ULK1: variants seen among roughly 807,000 people sequenced by gnomAD.
ULK1 encodes the protein serine/threonine-protein kinase ULK1.
In ULK1, 48 loss-of-function variants were observed where a neutral mutation model predicts 117.5. The observed-to-expected ratio is 0.41, with a 90% CI of 0.32 to 0.52. ULK1 has a LOEUF of 0.52. Among genes scored for constraint, ULK1 ranks in the 20% least tolerant of loss-of-function variants. The pLI is 0.29. For synonymous variants in ULK1, 790 were observed against 637.8 expected, an observed-to-expected ratio of 1.24 and a Z score of -3.60; for missense variants, 1,387 against 1,473.4, an observed-to-expected ratio of 0.94 and a Z score of 0.96.
At chr12:131,911,812 T>C (rs1293499799) in intron 12 of ULK1, 130 bp from the exon 13 acceptor site, 2 of 1,297,864 alleles carry the variant, frequency 1.5e-6, no homozygotes, top group African/African-American at 1.5e-5. Flanking sequence ...AAGAAAGACG[T>C]GCCCAGCCCT....
At chr12:131,920,862 T>C in intron 26 of ULK1, 1 of 557,306 alleles carries the variant, frequency 1.8e-6, no homozygotes, top group African/African-American at 1.9e-5. Context: ...GCGGGCACTC[T>C]GTTGTCCTGG....
At chr12:131,898,495 T>C (rs1420203828) in intron 3 of ULK1, among the ~76,000 whole-genome samples, 1 of 152,058 alleles carries the variant, frequency 6.6e-6, no homozygotes, top group African/African-American at 2.4e-5. Context: ...ACATCTCTTA[T>C]GGTTTTGCTT....
chr12:131,911,861 G>A, intron 12 of ULK1, 81 bp from the exon 13 acceptor site: 2 of 1,602,504 alleles, frequency 1.2e-6, no homozygotes, highest in Middle Eastern at 1.7e-4. Context: ...GGGGCTCTGG[G>A]CCATCCCAGG....
At chr12:131,897,539 G>T (rs1888924822) in intron 3 of ULK1, 1 of 152,280 alleles carries the variant, frequency 6.6e-6, no homozygotes, top group African/African-American at 2.4e-5. Flanking sequence ...AGTATAGTTT[G>T]CACTCCATCC....
chr12:131,918,735 GT>G lies in ULK1; in HGVS notation c.2511+55del. ...ATTCTGGCTGGAGGGTGTGTGGGGT[GT>G]GTGGGGTGTCGGGTGTGTGGGGTAT... On this transcript the variant is annotated intron_variant, in intron 23 of 27. Transcript: ENST00000321867. 2.7e-6 allele frequency: 4 copies of G among 1,484,600 alleles called. 1 individual carries two copies. The highest frequency in any genetic ancestry group is 5.0e-5 in the East Asian group (2 of 39,982). 92.0% of individuals were successfully genotyped at this position (1,484,600 alleles called of 1,614,324 possible).
chr12:131,913,393 A>G (rs2136398236), intron 14 of ULK1, 135 bp downstream of exon 14: 4 of 790,828 alleles, frequency 5.1e-6, no homozygotes, highest in East Asian at 3.9e-5. Context: ...CTCTGTCTCA[A>G]AAAAAAAAAA....
chr12:131,920,745 T>C (rs1890116502), intron 26 of ULK1: 1 of 271,068 alleles, frequency 3.7e-6, no homozygotes, highest in Non-Finnish European at 7.0e-6. Context: ...AATTTAAGCA[T>C]GTAGTAAAAA....
chr12:131,910,258 G>A lies in ULK1; in HGVS notation c.813G>A (p.Glu271=), dbSNP rs779170360. 1.1e-5 allele frequency: 17 copies of A among 1,613,648 alleles called. No homozygotes were observed. The highest frequency in any genetic ancestry group is 1.4e-5 in the Non-Finnish European group (16 of 1,179,984). Residue 271 remains glutamate, a synonymous_variant, in exon 11 of 28, where the codon GAG becomes GAA. Coordinates refer to ENST00000321867, the MANE Select transcript of ULK1 (RefSeq NM_003565.4). ...RNHKDRMDFD[E]FFHHPFLDAS... is the part of the protein sequence containing the mutation. ...CACTCCTCCTTCCTCCTGCAGATGA[G>A]TTTTTTCATCACCCTTTCCTCGATG... is the stretch of plus-strand genomic sequence containing the variant.
At position 131,918,530 on chromosome 12, in the gene ULK1, G is replaced by C; in HGVS notation, c.2360G>C (p.Arg787Pro). 6.2e-7 allele frequency: 1 copy of C among 1,610,562 alleles called. No homozygotes were observed. Among genetic ancestry groups the C allele is most frequent in the Admixed American group, 1.7e-5 (1 of 59,878 alleles). The change falls in exon 23 of 28, where the codon CGC becomes CCC. Residue 787 changes from arginine to proline, a missense_variant. Arg to Pro is a moderately radical substitution (Grantham distance 103). This residue lies in a region of ULK1 where 900 missense variants were observed against 858.9 expected (regional missense o/e 1.05). Coordinates refer to ENST00000321867, the MANE Select transcript of ULK1 (RefSeq NM_003565.4). ...ACTGGCTCTGCCAGCTCTTCTGCCCGCCACCTGGTGCCTGGGCCCTGCAGC... is the reference window on the plus strand; with the variant it reads ...ACTGGCTCTGCCAGCTCTTCTGCCCCCCACCTGGTGCCTGGGCCCTGCAGC... ...GPTGSASSSA[R>P]HLVPGPCSEA...
In ULK1 at chr12:131,910,017, G is replaced by A. The variant is rs1321552589; in HGVS notation, c.808+16G>A. ...ATGGACTTCGGTGAGCACCCACCAG[G>A]GGCGCAGCTGGAGTCCCCCACCCTC... is the stretch of plus-strand genomic sequence containing the variant. On this transcript the variant is annotated intron_variant, in intron 10 of 27. Transcript: ENST00000321867. The A allele has an allele frequency of 6.2e-7, 1 of 1,610,356 alleles. No homozygotes were observed. Among genetic ancestry groups the A allele is most frequent in the Non-Finnish European group, 8.5e-7 (1 of 1,179,542 alleles).
chr12:131,918,838 G>A (rs1415602360), intron 23 of ULK1, among the ~76,000 whole-genome samples, 157 bp downstream of exon 23: 2 of 74,706 alleles, frequency 2.7e-5, no homozygotes, highest in African/African-American at 3.5e-5. Flanking sequence ...TGTGGGGTGT[G>A]GGGTGTCGGG....
chr12:131,900,907 G>T (rs1358321780), intron 3 of ULK1, among the ~76,000 whole-genome samples: 1 of 152,206 alleles, frequency 6.6e-6, no homozygotes, highest in Non-Finnish European at 1.5e-5. Context: ...GGGGCTGTCT[G>T]CAGTGTGAGT....
In ULK1 at chr12:131,921,336, C is replaced by T. The variant is rs1890141823; in HGVS notation, c.3128C>T (p.Ala1043Val). Residue 1043 changes from alanine (A) to valine (V), a missense_variant, in exon 28 of 28, where the codon GCG (alanine) becomes GTG (valine). Ala to Val is a moderately conservative substitution (Grantham distance 64). Around this residue, in one of 4 missense-constraint regions of ULK1, gnomAD observed 900 missense variants for 858.9 expected, o/e 1.05. Transcript: ENST00000321867. ...CKLCIERRLSALLTGICA is the reference protein window; with the variant it reads ...CKLCIERRLSVLLTGICA ...CTGTGCATTGAGCGGAGACTCTCGG[C>T]GCTGCTGACTGGCATCTGTGCCTGA... 13 of 1,605,694 alleles carry T rather than the reference C, an allele frequency of 8.1e-6. No individual in the cohort carries two copies. The highest frequency in any genetic ancestry group is 2.7e-5 in the African/African-American group (2 of 75,050).
rs115106597 is a variant in ULK1, at chr12:131,923,065, A to C, written c.*1704A>C. On this transcript the variant is annotated 3_prime_UTR_variant, in exon 28 of 28. Transcript: ENST00000321867. ...CTTGATAGTGCTGGACCCTTTGTCT[A>C]TTTTAAAGCGAATTTTGTGTGATTT... The C allele has an allele frequency of 6.6e-6, 1 of 152,248 alleles. No homozygotes were observed. Among genetic ancestry groups the C allele is most frequent in the Non-Finnish European group, 1.5e-5 (1 of 68,056 alleles). 9.4% of individuals were successfully genotyped at this position (152,248 alleles called of 1,614,324 possible).
intron 25 of ULK1, 125 bp from the exon 26 acceptor site, chr12:131,919,854 C>T (rs758990585): frequency 2.7e-5 from 38 of 1,407,472 alleles, no homozygotes; most frequent in Admixed American, 4.5e-5. Flanking sequence ...CTCAAGGCCA[C>T]GGGGAGCCAG....
chr12:131,908,510 A>C, intron 5 of ULK1, 134 bp from the exon 6 acceptor site: 2 of 1,115,308 alleles, frequency 1.8e-6, no homozygotes, highest in Admixed American at 3.6e-5. Context: ...GCCCCTCCTG[A>C]CCCGGGGTTT....
Position 131,915,924 on chromosome 12 carries a change from C to A in ULK1, c.1643C>A (p.Ser548Tyr). Residue 548 changes from serine (S) to tyrosine (Y), a missense_variant, in exon 19 of 28, where the codon TCC becomes TAC. By Grantham distance (144) the Ser-to-Tyr change is moderately radical. Around this residue, in one of 4 missense-constraint regions of ULK1, gnomAD observed 900 missense variants for 858.9 expected, o/e 1.05. Transcript: ENST00000321867. ...GCACCCGAGCACTCTCCCCGCACTT[C>A]CGGGCTGGGCTGCCGCCTGCACAGC... ...SSAPEHSPRTSGLGCRLHSAP... is the reference protein window; with the variant it reads ...SSAPEHSPRTYGLGCRLHSAP... 6.2e-7 allele frequency: 1 copy of A among 1,612,218 alleles called. No individual in the cohort carries two copies. Among genetic ancestry groups the A allele is most frequent in the Non-Finnish European group, 8.5e-7 (1 of 1,179,828 alleles).
At chr12:131,915,851 G>T in intron 18 of ULK1, 40 bp from the exon 19 acceptor site, 1 of 1,601,804 alleles carries the variant, frequency 6.2e-7, no homozygotes, top group Non-Finnish European at 8.5e-7. Context: ...GGGCTGGGCC[G>T]CCGGACCGGA....
At chr12:131,905,596 A>G (rs1309784441) in intron 3 of ULK1, among the ~76,000 whole-genome samples, 1 of 152,108 alleles carries the variant, frequency 6.6e-6, no homozygotes, top group Non-Finnish European at 1.5e-5. Flanking sequence ...TTGTGTGGAA[A>G]GGGCTTCCTC....
Sources: gnomAD v4.1 joint callset for allele counts (sites outside exome capture counted in the v4.1 genomes callset) on GRCh38, gnomAD v4.1.1 for gene constraint, gnomAD v4.1.1 regional missense constraint, MANE v1.5 for transcripts, NCBI Gene and HGNC (gene_info 2026-07-23, HGNC 2026-07-21) for gene names.